KNL1: variants seen among roughly 807,000 people sequenced by gnomAD.
The protein encoded by KNL1 is kinetochore scaffold 1.
A neutral mutation model predicts 201.3 loss-of-function variants in KNL1; 66 were observed. The observed-to-expected ratio is 0.33, with a 90% CI of 0.27 to 0.40. The LOEUF (loss-of-function observed/expected upper bound fraction) is 0.40, where lower values mean the gene tolerates loss of function less well. Among genes scored for constraint, KNL1 ranks in the 10% least tolerant of loss-of-function variants. KNL1 has a pLI of 1.00. For synonymous variants in KNL1, 895 were observed against 899.2 expected (o/e 1.00, Z 0.08); for missense variants, 2,815 against 2,690.5 (o/e 1.05, Z -1.02).
intron 6 of KNL1, among the ~76,000 whole-genome samples, chr15:40,611,215 T>C (rs1892148990): frequency 6.6e-6 from 1 of 151,854 alleles, no homozygotes; most frequent in Non-Finnish European, 1.5e-5. Context: ...TTCAAGCAAT[T>C]CTCCTACCTC....
chr15:40,625,760 C>T (rs1892733718), intron 10 of KNL1, 120 bp downstream of exon 10: 1 of 710,770 alleles, frequency 1.4e-6, no homozygotes, highest in Non-Finnish European at 2.4e-6. Context: ...TAATTATTTC[C>T]ACTTAGAGGG....
chr15:40,618,311 T>G (rs1198257725), intron 8 of KNL1, among the ~76,000 whole-genome samples: 1 of 152,082 alleles, frequency 6.6e-6, no homozygotes, highest in Non-Finnish European at 1.5e-5. Context: ...CAACTTCTCC[T>G]TATTACTTTT....
chr15:40,621,466 C>T lies in KNL1; in HGVS notation c.1202C>T (p.Thr401Ile). The T allele has an allele frequency of 6.2e-7, 1 of 1,613,846 alleles. No individual in the cohort carries two copies. Among genetic ancestry groups the T allele is most frequent in the Non-Finnish European group, 8.5e-7 (1 of 1,179,848 alleles). The change falls in exon 10 of 26, where the codon ACT (threonine) becomes ATT (isoleucine). Residue 401 changes from threonine (T) to isoleucine (I), a missense_variant. Thr to Ile is a moderately conservative substitution (Grantham distance 89). Transcript: ENST00000399668. ...MGAETHIVSQ[T>I]CNQDARILAM... ...GCAGAAACTCACATAGTCTCACAGACTTGTAATCAGGATGCCAGAATATTA... is the reference window on the plus strand; with the variant it reads ...GCAGAAACTCACATAGTCTCACAGATTTGTAATCAGGATGCCAGAATATTA...
At position 40,623,442 on chromosome 15, in the gene KNL1, A is replaced by G. The variant is rs1033262852; in HGVS notation, c.3178A>G (p.Ser1060Gly). 7 of 1,612,104 alleles carry G rather than the reference A, an allele frequency of 4.3e-6. No individual in the cohort carries two copies. Among genetic ancestry groups the G allele is most frequent in the East Asian group, 2.2e-5 (1 of 44,886 alleles). ...SPGFLNEPLS[S>G]KSQRRKSLKL... ...TGGATTTCTGAATGAACCTCTATCA[A>G]GCAAAAGTCAGAGAAGAAAAAGCCT... Residue 1060 changes from serine (S) to glycine (G), a missense_variant, in exon 10 of 26, where the codon AGC (serine) becomes GGC (glycine). Ser to Gly is a moderately conservative substitution (Grantham distance 56). Coordinates refer to ENST00000399668, the MANE Select transcript of KNL1 (RefSeq NM_144508.5).
rs1372319678 is a variant in KNL1 at position 40,621,220 on chromosome 15, T to C, written c.956T>C (p.Met319Thr). 6.2e-7 allele frequency: 1 copy of C among 1,612,536 alleles called. No homozygotes were observed. Among genetic ancestry groups the C allele is most frequent in the Non-Finnish European group, 8.5e-7 (1 of 1,179,238 alleles). ...NDITIYGNDF[M>T]DLTFNHTLQI... ...ATTACAATTTATGGCAATGACTTTA[T>C]GGACTTGACATTTAACCACACTTTG... Residue 319 changes from methionine (M) to threonine (T), a missense_variant, in exon 10 of 26, where the codon ATG becomes ACG. This residue lies in a region of KNL1 where 2,464 missense variants were observed against 2,291.7 expected (regional missense o/e 1.08). Transcript: ENST00000399668.
At position 40,621,935 on chromosome 15, in the gene KNL1, T is replaced by C; in HGVS notation, c.1671T>C (p.Ile557=). ...IQQSLSNPLS[I]SLTDRKTELL... ...AGAGCCTGTCAAATCCTTTGTCTAT[T>C]TCATTGACTGATAGAAAGACTGAAC... Residue 557 remains isoleucine, a synonymous_variant, in exon 10 of 26, where the codon ATT becomes ATC. Transcript: ENST00000399668. The C allele has an allele frequency of 6.2e-7, 1 of 1,613,690 alleles. No homozygotes were observed. The highest frequency in any genetic ancestry group is 8.5e-7 in the Non-Finnish European group (1 of 1,179,694).
In KNL1 at chr15:40,662,787, C is replaced by G. The variant is rs1392137009; in HGVS notation, c.*599C>G. 5.6e-6 allele frequency: 1 copy of G among 177,198 alleles called. No individual in the cohort carries two copies. The highest frequency in any genetic ancestry group is 2.4e-5 in the African/African-American group (1 of 42,220). 11.0% of individuals were successfully genotyped at this position (177,198 alleles called of 1,614,324 possible). On this transcript the variant is annotated 3_prime_UTR_variant, in exon 26 of 26. Coordinates refer to ENST00000399668, the MANE Select transcript of KNL1 (RefSeq NM_144508.5). ...CCAGCCTGGGCAACATGGCAAAACC[C>G]CACCTCTACAAAAAATACGAAAGTT...
At chr15:40,647,139 G>T in intron 17 of KNL1, 65 bp downstream of exon 17, 1 of 798,854 alleles carries the variant, frequency 1.3e-6, no homozygotes, top group African/African-American at 1.7e-5. Context: ...TCCTACAGTA[G>T]AGAATGTTGG....
intron 14 of KNL1, 112 bp from the exon 15 acceptor site, chr15:40,644,885 A>G (rs1356856969): frequency 3.3e-6 from 2 of 611,436 alleles, no homozygotes; most frequent in Non-Finnish European, 5.7e-6. Flanking sequence ...TGTTCAAAGT[A>G]CAGGTCTTTT....
At chr15:40,649,927 C>T (rs1163796180) in intron 17 of KNL1, among the ~76,000 whole-genome samples, 1 of 151,962 alleles carries the variant, frequency 6.6e-6, no homozygotes, top group African/African-American at 2.4e-5. Context: ...TATAGTTTAT[C>T]TTCCTGATTA....
chr15:40,659,685 G>A lies in KNL1; in HGVS notation c.6836+224G>A, dbSNP rs533269901. Among the ~76,000 whole-genome samples the A allele has an allele frequency of 6.6e-5, 10 of 152,070 alleles. No homozygotes were observed. In the South Asian group the frequency reaches 2.1e-3, roughly 32 times the overall value. ...TTTTTTGTATTTTTAGTAGAGACGG[G>A]GTTTCACCATGGTCTCGATCTCCTG... On this transcript the variant is annotated intron_variant, in intron 25 of 25. Coordinates refer to ENST00000399668, the MANE Select transcript of KNL1 (RefSeq NM_144508.5).
rs200300923 is a variant in KNL1 at position 40,629,344 on chromosome 15, A to T, written c.5655A>T (p.Lys1885Asn). The change falls in exon 13 of 26, where the codon AAA becomes AAT. Residue 1885 changes from lysine (K) to asparagine (N), a missense_variant. This residue lies in a region of KNL1 where 2,464 missense variants were observed against 2,291.7 expected (regional missense o/e 1.08). Transcript: ENST00000399668. ...ILLQVHILIQ[K>N]PRQSNLPGNF... ...TCCAGGTCCACATCTTGATACAGAA[A>T]CCCCGACAGAGCAATCTCCCAGGCA... 1.6e-5 allele frequency: 26 copies of T among 1,605,514 alleles called. 1 individual carries two copies. The African/African-American group carries it at 3.1e-4, about 19-fold the overall frequency.
chr15:40,634,781 A>G (rs3092978), intron 13 of KNL1, among the ~76,000 whole-genome samples: 119,335 of 152,046 alleles, frequency 0.78, 47,826 homozygotes, highest in Non-Finnish European at 0.85. Flanking sequence ...CAGGGAGGAT[A>G]TTGGCAGGGT....
At position 40,620,685 on chromosome 15, in the gene KNL1, C is replaced by G; in HGVS notation, c.421C>G (p.Gln141Glu). Residue 141 changes from glutamine to glutamate, a missense_variant, in exon 10 of 26, where the codon CAG becomes GAG. By Grantham distance (29) the Gln-to-Glu change is conservative. Transcript: ENST00000399668. ...HTRERKHAND[Q>E]TVIFSDENQM... Reference sequence around the variant, plus strand: ...CCGTGAAAGGAAACATGCAAATGACCAGACAGTCATTTTTTCAGATGAAAA... The same window carrying G: ...CCGTGAAAGGAAACATGCAAATGACGAGACAGTCATTTTTTCAGATGAAAA... 6.3e-7 allele frequency: 1 copy of G among 1,598,664 alleles called. No individual in the cohort carries two copies. Among genetic ancestry groups the G allele is most frequent in the South Asian group, 1.1e-5 (1 of 88,780 alleles).
At chr15:40,600,305 C>G (rs1385625709) in intron 1 of KNL1, among the ~76,000 whole-genome samples, 1 of 152,192 alleles carries the variant, frequency 6.6e-6, no homozygotes, top group East Asian at 1.9e-4. Context: ...AAACTCCTGA[C>G]CTGAGGTGAT....
intron 25 of KNL1, among the ~76,000 whole-genome samples, chr15:40,660,586 A>G (rs1381544621): frequency 6.3e-5 from 9 of 142,980 alleles, no homozygotes; most frequent in African/African-American, 2.4e-4. Flanking sequence ...AATTGCTTGA[A>G]CCCAGGAGGT....
At chr15:40,652,184 C>T in intron 21 of KNL1, 79 bp downstream of exon 21, 1 of 901,620 alleles carries the variant, frequency 1.1e-6, no homozygotes, top group Non-Finnish European at 1.8e-6. Flanking sequence ...CTTTATTTTA[C>T]TATACTGATA....
In KNL1 at chr15:40,608,944, G is replaced by T. The variant is rs760658434; in HGVS notation, c.197+36G>T. 4.9e-6 allele frequency: 7 copies of T among 1,425,532 alleles called. No homozygotes were observed. The South Asian group carries it at 8.1e-5, about 16-fold the overall frequency. The allele number at this position is 1,425,532 out of a possible 1,614,324, so 88.3% of individuals were successfully genotyped here. ...AGCAGAAATAACTAAAATATTATAG[G>T]TACTGGTATTTTGTGTATCAAACCA... On this transcript the variant is annotated intron_variant, in intron 5 of 25. Coordinates refer to ENST00000399668, the MANE Select transcript of KNL1 (RefSeq NM_144508.5).
intron 1 of KNL1, among the ~76,000 whole-genome samples, chr15:40,599,387 C>A (rs1364706357): frequency 6.7e-6 from 1 of 148,686 alleles, no homozygotes; most frequent in East Asian, 2.0e-4. Flanking sequence ...CATTAAGCAT[C>A]CTCCCCCACC....
Sources: allele counts gnomAD v4.1 joint callset (sites outside exome capture counted in the v4.1 genomes callset), GRCh38; gene constraint gnomAD v4.1.1; regional missense constraint gnomAD v4.1.1; transcripts MANE v1.5; gene names NCBI Gene and HGNC (gene_info 2026-07-23, HGNC 2026-07-21).